The following FBXL20 variants were observed in gnomAD, a reference collection of about 807,000 sequenced individuals.
FBXL20 encodes the protein F-box and leucine rich repeat protein 20.
In FBXL20, 11 loss-of-function variants were observed where a neutral mutation model predicts 64.0. The ratio of observed to expected loss-of-function variants is 0.17; its 90% confidence interval spans 0.11 to 0.28. FBXL20 has a LOEUF of 0.28. FBXL20 is among the 10% of genes least tolerant of loss of function. FBXL20 has a pLI of 1.00. For missense variants in FBXL20, 303 were observed against 526.2 expected (o/e 0.58, Z 4.15); for synonymous variants, 184 against 189.0 (o/e 0.97, Z 0.22).
At chr17:39,270,112 C>T (rs745751841) in intron 11 of FBXL20, among the ~76,000 whole-genome samples, 4 of 152,206 alleles carry the variant, frequency 2.6e-5, no homozygotes, top group Non-Finnish European at 5.9e-5. Flanking sequence ...TCTCCTAAAA[C>T]CTTTCCATTT....
Position 39,401,414 on chromosome 17 carries a change from G to A in FBXL20, c.-12C>T, listed in dbSNP as rs1302877840. On this transcript the variant is annotated 5_prime_UTR_variant, in exon 1 of 15. Coordinates refer to ENST00000264658, the MANE Select transcript of FBXL20 (RefSeq NM_032875.3). ...ACGTCCCTCCTCATGGGGCCGGCGGGTGCGGCCCGGGCCGGGCGCTGCGGC... is the reference window on the plus strand; with the variant it reads ...ACGTCCCTCCTCATGGGGCCGGCGGATGCGGCCCGGGCCGGGCGCTGCGGC... The A allele has an allele frequency of 1.9e-6, 3 of 1,596,114 alleles. No individual in the cohort carries two copies. Among genetic ancestry groups the A allele is most frequent in the East Asian group, 2.3e-5 (1 of 43,298 alleles).
chr17:39,368,233 T>C (rs1200223140), intron 1 of FBXL20, among the ~76,000 whole-genome samples: 2 of 151,832 alleles, frequency 1.3e-5, no homozygotes, highest in African/African-American at 2.4e-5. Flanking sequence ...TACAAAACAA[T>C]AAAATAAAAT....
At chr17:39,383,097 A>C (rs1328042714) in intron 1 of FBXL20, among the ~76,000 whole-genome samples, 1 of 147,556 alleles carries the variant, frequency 6.8e-6, no homozygotes, top group East Asian at 2.0e-4. Flanking sequence ...CGGGAGGCAG[A>C]GGTTGCAGTG....
At chr17:39,283,532 C>CT (rs1396646308) in intron 7 of FBXL20, among the ~76,000 whole-genome samples, 3 of 152,000 alleles carry the variant, frequency 2.0e-5, no homozygotes, top group Admixed American at 6.6e-5. Context: ...ACCTCCATGG[C>CT]TCAACTGATC....
In FBXL20 at chr17:39,401,381, C is replaced by G. The variant is rs1481288239; in HGVS notation, c.22G>C (p.Val8Leu). Residue 8 changes from valine to leucine, a missense_variant, in exon 1 of 15, where the codon GTG (valine) becomes CTG (leucine). By Grantham distance (32) the Val-to-Leu change is conservative (BLOSUM62 1). This residue lies in a region of FBXL20 where 246 missense variants were observed against 422.6 expected (regional missense o/e 0.58). Coordinates refer to ENST00000264658, the MANE Select transcript of FBXL20 (RefSeq NM_032875.3). Reference protein sequence around the residue: MRRDVNGVTKSRFEMFSN... With the variant: MRRDVNGLTKSRFEMFSN... ...CACACCTCAAACCTGCTCTTGGTCA[C>G]TCCGTTCACGTCCCTCCTCATGGGG... The G allele has an allele frequency of 2.5e-6, 4 of 1,612,198 alleles. No individual in the cohort carries two copies. Among genetic ancestry groups the G allele is most frequent in the Non-Finnish European group, 2.5e-6 (3 of 1,179,302 alleles).
intron 2 of FBXL20, among the ~76,000 whole-genome samples, chr17:39,313,103 G>C (rs1485573553): frequency 1.4e-4 from 21 of 148,168 alleles, no homozygotes; most frequent in Admixed American, 1.3e-3. Context: ...ATTTTTAGTA[G>C]AGATGGGGTT....
At chr17:39,334,552 T>C (rs916114530) in intron 2 of FBXL20, among the ~76,000 whole-genome samples, 1 of 151,858 alleles carries the variant, frequency 6.6e-6, no homozygotes, top group East Asian at 1.9e-4. Flanking sequence ...AAAGTTCACC[T>C]CTTACCCACT....
At chr17:39,368,765 C>A (rs913134070) in intron 1 of FBXL20, among the ~76,000 whole-genome samples, 1 of 152,112 alleles carries the variant, frequency 6.6e-6, no homozygotes, top group Non-Finnish European at 1.5e-5. Flanking sequence ...AAGCTATTCT[C>A]CTGCCTCAGC....
chr17:39,284,675 C>T (rs1597774467), intron 7 of FBXL20, among the ~76,000 whole-genome samples: 2 of 152,136 alleles, frequency 1.3e-5, no homozygotes, highest in South Asian at 2.1e-4. Flanking sequence ...TGAGCCATCA[C>T]GCCTGGCCTC....
intron 1 of FBXL20, among the ~76,000 whole-genome samples, chr17:39,376,254 C>T (rs9898773): frequency 1.1e-4 from 16 of 151,994 alleles, no homozygotes; most frequent in Non-Finnish European, 1.6e-4. Flanking sequence ...CAGCTCAAAA[C>T]GTTTGTCTTT....
intron 2 of FBXL20, among the ~76,000 whole-genome samples, chr17:39,332,763 G>A (rs1424978289): frequency 7.2e-5 from 11 of 151,792 alleles, no homozygotes; most frequent in African/African-American, 2.7e-4. Flanking sequence ...GAATGGTCCC[G>A]ATCTCCTGAC....
intron 10 of FBXL20, among the ~76,000 whole-genome samples, chr17:39,272,370 G>A (rs1198444019): frequency 6.9e-6 from 1 of 144,274 alleles, no homozygotes; most frequent in South Asian, 2.3e-4. Context: ...TGGCAACAGA[G>A]CGAGACTTTG....
intron 2 of FBXL20, among the ~76,000 whole-genome samples, chr17:39,341,638 A>G (rs544310047): frequency 5.3e-5 from 8 of 152,296 alleles, no homozygotes; most frequent in Admixed American, 5.2e-4. Context: ...TCCTCACTCC[A>G]TCACTATTAG....
chr17:39,339,756 G>T (rs540750252), intron 2 of FBXL20, among the ~76,000 whole-genome samples: 54 of 151,710 alleles, frequency 3.6e-4, no homozygotes, highest in Middle Eastern at 3.4e-3. Flanking sequence ...CGATTCCCCT[G>T]TCTCAGCCTC....
At chr17:39,335,946 G>C (rs1390148853) in intron 2 of FBXL20, among the ~76,000 whole-genome samples, 1 of 152,142 alleles carries the variant, frequency 6.6e-6, no homozygotes, top group African/African-American at 2.4e-5. Flanking sequence ...TACAAAACCA[G>C]CCTGGTCAAC....
At chr17:39,390,903 C>G (rs947259431) in intron 1 of FBXL20, among the ~76,000 whole-genome samples, 1 of 151,930 alleles carries the variant, frequency 6.6e-6, no homozygotes. Flanking sequence ...AAAAATTACC[C>G]GGGCATGGTG....
intron 10 of FBXL20, among the ~76,000 whole-genome samples, chr17:39,272,987 C>T (rs1458456837): frequency 6.6e-6 from 1 of 152,128 alleles, no homozygotes; most frequent in Non-Finnish European, 1.5e-5. Flanking sequence ...CTAATTTTGA[C>T]CAATAGGTGT....
rs368530587 is a variant in FBXL20 at position 39,289,998 on chromosome 17, CAAAAAAAA to C, written c.399-4433_399-4426del. On this transcript the variant is annotated intron_variant, in intron 6 of 14. Transcript: ENST00000264658. ...TGGGCAATAGTGCGAGACTCAGTCT[CAAAAAAAA>C]AAAAAAAAAAAAAAAAAAAAAATTC... Among the ~76,000 whole-genome samples the C allele has an allele frequency of 3.3e-3, 137 of 41,874 alleles. 1 individual carries two copies. Among genetic ancestry groups the C allele is most frequent in the African/African-American group, 9.0e-3 (121 of 13,392 alleles). 27.5% of individuals were successfully genotyped at this position (41,874 alleles called of 152,430 possible). A position where few individuals can be genotyped will look rare whatever the true frequency, so the allele number is the denominator to read the frequency against.
chr17:39,399,277 C>T (rs2048217819), intron 1 of FBXL20, among the ~76,000 whole-genome samples: 1 of 152,148 alleles, frequency 6.6e-6, no homozygotes, highest in East Asian at 1.9e-4. Context: ...AGACTGTAAT[C>T]TTGAGGATTT....
Sources: allele counts gnomAD v4.1 joint callset (sites outside exome capture counted in the v4.1 genomes callset), GRCh38; gene constraint gnomAD v4.1.1; regional missense constraint gnomAD v4.1.1; transcripts MANE v1.5; gene names NCBI Gene and HGNC (gene_info 2026-07-23, HGNC 2026-07-21).